Variants in SYNJ2 observed in about 807,000 individuals in gnomAD.
The protein encoded by SYNJ2 is synaptojanin 2.
A neutral mutation model predicts 141.3 loss-of-function variants in SYNJ2; 116 were observed. That is an observed-to-expected ratio of 0.82 (90% CI 0.71 to 0.96). The LOEUF (loss-of-function observed/expected upper bound fraction) is 0.96, where lower values mean the gene tolerates loss of function less well. SYNJ2 is among the 40% of genes least tolerant of loss of function. The probability of loss-of-function intolerance (pLI) is 0.00; values close to 1 mark genes in which losing one functional copy is unlikely to be tolerated. For missense variants in SYNJ2, 1,873 were observed against 1,934.8 expected, an observed-to-expected ratio of 0.97 and a Z score of 0.60; for synonymous variants, 745 against 777.7, an observed-to-expected ratio of 0.96 and a Z score of 0.70.
Position 158,064,608 on chromosome 6 carries a change from A to C in SYNJ2, c.1217A>C (p.His406Pro), listed in dbSNP as rs892795248. The change falls in exon 10 of 27, where the codon CAT becomes CCT. Residue 406 changes from histidine to proline, a missense_variant. Transcript: ENST00000355585. Reference sequence around the variant, plus strand: ...TCCCTTATTCCTCCCCAGGTCCTGCATCTGCAGCTCAAGACCCTGGGGCTG... The same window carrying C: ...TCCCTTATTCCTCCCCAGGTCCTGCCTCTGCAGCTCAAGACCCTGGGGCTG... ...VQSFIALEVL[H>P]LQLKTLGLSS... is the part of the protein sequence containing the mutation. The C allele has an allele frequency of 6.2e-7, 1 of 1,613,694 alleles. No homozygotes were observed. The highest frequency in any genetic ancestry group is 1.3e-5 in the African/African-American group (1 of 74,912).
chr6:158,023,279 A>T (rs2128332086), intron 2 of SYNJ2, among the ~76,000 whole-genome samples: 1 of 151,802 alleles, frequency 6.6e-6, no homozygotes, highest in Middle Eastern at 3.4e-3. Flanking sequence ...AAAAAAAAAA[A>T]AGCAAACAAA....
intron 1 of SYNJ2, among the ~76,000 whole-genome samples, chr6:157,997,377 C>T (rs758419168): frequency 1.1e-4 from 16 of 152,158 alleles, no homozygotes; most frequent in Middle Eastern, 3.4e-3. Context: ...ATGTGACTGG[C>T]GTGCTTATAA....
chr6:157,987,901 T>TGG (rs915747639), intron 1 of SYNJ2, among the ~76,000 whole-genome samples: 11 of 152,160 alleles, frequency 7.2e-5, no homozygotes, highest in African/African-American at 2.7e-4. Flanking sequence ...AGTGACCACT[T>TGG]GGGAAGGGTC....
intron 20 of SYNJ2, among the ~76,000 whole-genome samples, chr6:158,081,768 C>T (rs533696645): frequency 6.0e-4 from 92 of 152,066 alleles, no homozygotes; most frequent in South Asian, 1.2e-3. Context: ...ACCGCAGGCA[C>T]GTGCCACCAC....
At position 158,070,874 on chromosome 6, in the gene SYNJ2, G is replaced by A. The variant is rs141711591; in HGVS notation, c.1941-728G>A. 6.5e-3 allele frequency among the ~76,000 whole-genome samples: 986 copies of A among 152,282 alleles called. 10 individuals carry two copies. The highest frequency in any genetic ancestry group is 0.023 in the African/African-American group (940 of 41,558). ...CCCAGCCCAGCATAAACAGCTGCCCGTTTCCTAGCTCTTAAAGTGCATTGA... is the reference window on the plus strand; with the variant it reads ...CCCAGCCCAGCATAAACAGCTGCCCATTTCCTAGCTCTTAAAGTGCATTGA... On this transcript the variant is annotated intron_variant, in intron 14 of 26. Transcript: ENST00000355585. This position sits in a 1 kb window ranked among gnomAD's most constrained non-coding sequence, Gnocchi z 4.0.
chr6:157,981,605 C>A (rs917026088), upstream of SYNJ2, among the ~76,000 whole-genome samples: 7 of 152,010 alleles, frequency 4.6e-5, no homozygotes, highest in African/African-American at 1.7e-4. This position sits in a 1 kb window ranked among gnomAD's most constrained non-coding sequence, Gnocchi z 6.4. Flanking sequence ...CGGGGTCGCC[C>A]CGCGCGGGGC....
chr6:158,005,618 C>T (rs957194863), intron 1 of SYNJ2, among the ~76,000 whole-genome samples: 1 of 151,976 alleles, frequency 6.6e-6, no homozygotes, highest in African/African-American at 2.4e-5. Flanking sequence ...CTGGAGATGC[C>T]CCACTACCAC....
chr6:158,017,685 G>C, intron 2 of SYNJ2: 2 of 495,374 alleles, frequency 4.0e-6, no homozygotes, highest in Non-Finnish European at 8.3e-6. Context: ...AAAGTGCTGG[G>C]ATTACAGCCA....
intron 12 of SYNJ2, among the ~76,000 whole-genome samples, chr6:158,068,269 G>A (rs1174695711): frequency 6.6e-6 from 1 of 152,102 alleles, no homozygotes; most frequent in East Asian, 1.9e-4. Flanking sequence ...CCTCCTAGCT[G>A]GACCCTGGGG....
At chr6:158,074,258 A>G (rs1782126349) in intron 15 of SYNJ2, among the ~76,000 whole-genome samples, 1 of 152,184 alleles carries the variant, frequency 6.6e-6, no homozygotes, top group Admixed American at 6.5e-5. Context: ...TAGACACTCC[A>G]AAGTAAGGGT....
intron 1 of SYNJ2, among the ~76,000 whole-genome samples, chr6:157,998,008 T>C (rs1328924452): frequency 6.6e-6 from 1 of 152,254 alleles, no homozygotes; most frequent in East Asian, 1.9e-4. Flanking sequence ...GGTTGATCAG[T>C]GCAGTGCCTA....
In SYNJ2 at chr6:158,064,505, T is replaced by G. The variant is rs954094655; in HGVS notation, c.1210-96T>G. On this transcript the variant is annotated intron_variant, in intron 9 of 26. Coordinates refer to ENST00000355585, the MANE Select transcript of SYNJ2 (RefSeq NM_003898.4). ...GGCACAGAGTCTTCCAGGCACAGCG[T>G]AATCCACAGGCTGCCGAATAAGGAA... 6 of 1,484,774 alleles carry G rather than the reference T, an allele frequency of 4.0e-6. No homozygotes were observed. The South Asian group carries it at 6.3e-5, about 15-fold the overall frequency. 92.0% of individuals were successfully genotyped at this position (1,484,774 alleles called of 1,614,324 possible). A position where few individuals can be genotyped will look rare whatever the true frequency, so the allele number is the denominator to read the frequency against.
At chr6:158,044,938 G>A (rs1780155488) in intron 5 of SYNJ2, among the ~76,000 whole-genome samples, 1 of 152,108 alleles carries the variant, frequency 6.6e-6, no homozygotes, top group Non-Finnish European at 1.5e-5. Context: ...GATCGAATGA[G>A]TGTGGCACAA....
At chr6:158,034,583 TC>T (rs879536058) in intron 4 of SYNJ2, among the ~76,000 whole-genome samples, 4 of 152,020 alleles carry the variant, frequency 2.6e-5, no homozygotes, top group Non-Finnish European at 4.4e-5. Flanking sequence ...GCTCTCAGAG[TC>T]CCCACTCAGA....
At chr6:158,062,571 C>T (rs1288528307) in intron 8 of SYNJ2, among the ~76,000 whole-genome samples, 1 of 152,012 alleles carries the variant, frequency 6.6e-6, no homozygotes, top group East Asian at 1.9e-4. Context: ...CTGGCATAGA[C>T]TTAGATTGCT....
chr6:158,016,923 C>G (rs542078893), intron 1 of SYNJ2: 3 of 1,048,726 alleles, frequency 2.9e-6, no homozygotes, highest in South Asian at 7.1e-5. Context: ...AGGTGCCTGC[C>G]CCCAGCTGGA....
At chr6:158,052,647 T>A (rs1318583225) in intron 5 of SYNJ2, among the ~76,000 whole-genome samples, 1 of 152,144 alleles carries the variant, frequency 6.6e-6, no homozygotes, top group Non-Finnish European at 1.5e-5. Flanking sequence ...AACTCATTCA[T>A]TACCATGGGG....
intron 1 of SYNJ2, among the ~76,000 whole-genome samples, chr6:157,997,099 C>A (rs558538744): frequency 7.3e-5 from 11 of 151,264 alleles, no homozygotes; most frequent in African/African-American, 2.7e-4. Flanking sequence ...CCTGCAGCCC[C>A]CACACACCAA....
intron 2 of SYNJ2, chr6:158,028,342 G>A: frequency 5.0e-6 from 1 of 199,124 alleles, no homozygotes; most frequent in South Asian, 9.5e-5. Flanking sequence ...GGCTGAGGAG[G>A]CACTGGGGAA....
Sources: allele counts gnomAD v4.1 joint callset (sites outside exome capture counted in the v4.1 genomes callset), GRCh38; gene constraint gnomAD v4.1.1; non-coding constraint Gnocchi (gnomAD v3.1); transcripts MANE v1.5; gene names NCBI Gene and HGNC (gene_info 2026-07-23, HGNC 2026-07-21).